The following CHN1 variants were observed in gnomAD, a reference collection of about 807,000 sequenced individuals.
CHN1 encodes chimerin 1, also known as N-chimaerin.
CHN1 carries 37 observed loss-of-function variants against 59.5 expected under a neutral mutation model. The ratio of observed to expected loss-of-function variants is 0.62; its 90% CI spans 0.48 to 0.82. The LOEUF is 0.82. Ranked by LOEUF, CHN1 falls within the 40% of genes least tolerant of loss-of-function variation. The pLI is 0.00. For synonymous variants in CHN1, 206 were observed against 200.4 expected, an observed-to-expected ratio of 1.03 and a Z score of -0.24; for missense variants, 469 against 571.0, an observed-to-expected ratio of 0.82 and a Z score of 1.82.
intron 6 of CHN1, among the ~76,000 whole-genome samples, chr2:174,849,710 A>G (rs772788803): frequency 1.7e-4 from 26 of 152,176 alleles, no homozygotes; most frequent in Non-Finnish European, 3.1e-4. Flanking sequence ...CAGACACCCA[A>G]CTAAGCACTT....
intron 1 of CHN1, among the ~76,000 whole-genome samples, chr2:174,976,324 G>A (rs568078636): frequency 4.6e-5 from 7 of 151,522 alleles, no homozygotes; most frequent in East Asian, 2.0e-4. Context: ...TGCAACCTCC[G>A]CCTCCCGGGT....
intron 3 of CHN1, among the ~76,000 whole-genome samples, chr2:174,924,572 G>T (rs1000595821): frequency 2.0e-5 from 3 of 152,286 alleles, no homozygotes; most frequent in African/African-American, 7.2e-5. Context: ...ATAGGGTAGA[G>T]AAGTTTTTCT....
At chr2:174,870,356 G>C (rs948761639) in intron 6 of CHN1, among the ~76,000 whole-genome samples, 2 of 152,146 alleles carry the variant, frequency 1.3e-5, no homozygotes, top group Non-Finnish European at 2.9e-5. Context: ...CCCCCAAAGA[G>C]TTAGGGACTA....
chr2:174,835,944 A>C (rs1305990766), intron 7 of CHN1, among the ~76,000 whole-genome samples: 1 of 152,116 alleles, frequency 6.6e-6, no homozygotes, highest in African/African-American at 2.4e-5. Context: ...GTTTCCCAAT[A>C]GTTTCTTCCC....
chr2:174,879,364 T>G (rs1240994944), intron 5 of CHN1, among the ~76,000 whole-genome samples: 1 of 152,226 alleles, frequency 6.6e-6, no homozygotes, highest in Non-Finnish European at 1.5e-5. Flanking sequence ...TAGACTTTAA[T>G]AACAATTTAA....
chr2:174,977,278 A>G, intron 1 of CHN1, among the ~76,000 whole-genome samples: 1 of 152,216 alleles, frequency 6.6e-6, no homozygotes. Context: ...GGATATCATC[A>G]TCTGATAATC....
intron 1 of CHN1, among the ~76,000 whole-genome samples, chr2:175,004,207 GAAA>G (rs555690279): frequency 2.0e-5 from 3 of 152,034 alleles, no homozygotes; most frequent in Admixed American, 1.3e-4. Context: ...TGCAGACTGA[GAAA>G]AAAACAGCTT....
In CHN1 at chr2:174,799,095, A is replaced by T. The variant is rs1018765505; in HGVS notation, c.*1021T>A. Among the ~76,000 whole-genome samples the T allele has an allele frequency of 1.3e-5, 2 of 152,226 alleles. No homozygotes were observed. The highest frequency in any genetic ancestry group is 2.9e-5 in the Non-Finnish European group (2 of 68,046). The stretch of plus-strand genomic sequence containing the variant: ...TTTTGACAAATCAAATGTTTAGAAG[A>T]AGTTACTCTTTTTAGTTAGCCTCTT... On this transcript the variant is annotated 3_prime_UTR_variant, in exon 13 of 13. Transcript: ENST00000409900.
intron 7 of CHN1, among the ~76,000 whole-genome samples, chr2:174,839,190 A>C (rs1018003397): frequency 6.6e-6 from 1 of 152,120 alleles, no homozygotes; most frequent in African/African-American, 2.4e-5. Context: ...AGAACACTTA[A>C]AATCTACTCT....
chr2:174,931,292 G>A (rs1280258165), intron 3 of CHN1, among the ~76,000 whole-genome samples: 1 of 152,164 alleles, frequency 6.6e-6, no homozygotes, highest in African/African-American at 2.4e-5. Context: ...CAAGATATAT[G>A]AGCATGTGAA....
Position 174,799,214 on chromosome 2 carries a change from T to C in CHN1, c.*902A>G, listed in dbSNP as rs777127374. 4.6e-6 allele frequency: 1 copy of C among 218,692 alleles called. No homozygotes were observed. The highest frequency in any genetic ancestry group is 2.4e-5 in the African/African-American group (1 of 42,382). The allele number at this position is 218,692 out of a possible 1,614,324, so 13.5% of individuals were successfully genotyped here. On this transcript the variant is annotated 3_prime_UTR_variant, in exon 13 of 13. Transcript: ENST00000409900. ...TTTCTAGATTTCTGCCAGAGTAATA[T>C]AAGAAGAAAAATAAATGGAATTAAT...
At chr2:174,884,929 G>A (rs948043998) in intron 5 of CHN1, among the ~76,000 whole-genome samples, 1 of 152,062 alleles carries the variant, frequency 6.6e-6, no homozygotes, top group Non-Finnish European at 1.5e-5. Flanking sequence ...AATTAGTAAA[G>A]ACTTCATAAA....
intron 1 of CHN1, among the ~76,000 whole-genome samples, chr2:174,958,515 C>T (rs181186864): frequency 1.5e-4 from 23 of 152,216 alleles, no homozygotes; most frequent in South Asian, 1.0e-3. Flanking sequence ...GAGGGCCTCC[C>T]GGAGATCATT....
intron 5 of CHN1, among the ~76,000 whole-genome samples, chr2:174,885,098 T>C (rs532677058): frequency 1.1e-4 from 16 of 150,908 alleles, no homozygotes; most frequent in South Asian, 4.2e-4. Context: ...CCATCCTGGC[T>C]AACATGGTGA....
chr2:174,927,917 T>A (rs1309703969), intron 3 of CHN1, among the ~76,000 whole-genome samples: 3 of 152,172 alleles, frequency 2.0e-5, no homozygotes, highest in Non-Finnish European at 2.9e-5. Context: ...AAATAGTACT[T>A]TTTTTTCAGG....
chr2:174,906,404 C>T (rs1688543904), intron 5 of CHN1, among the ~76,000 whole-genome samples: 1 of 151,996 alleles, frequency 6.6e-6, no homozygotes, highest in African/African-American at 2.4e-5. Context: ...TTGTTTACAT[C>T]AATAGAGACA....
At chr2:174,922,568 G>A (rs1689045200) in intron 3 of CHN1, among the ~76,000 whole-genome samples, 1 of 151,996 alleles carries the variant, frequency 6.6e-6, no homozygotes, top group Admixed American at 6.5e-5. Context: ...GCACATGCCT[G>A]TAGTCCTAGC....
intron 1 of CHN1, 81 bp downstream of exon 1, chr2:175,004,813 C>A: frequency 2.7e-5 from 24 of 888,992 alleles, no homozygotes; most frequent in Non-Finnish European, 3.4e-5. Context: ...CCTCCCCGGG[C>A]GCCCAGGCCC....
intron 3 of CHN1, among the ~76,000 whole-genome samples, chr2:174,931,147 T>C (rs761614983): frequency 9.0e-5 from 13 of 144,920 alleles, no homozygotes; most frequent in African/African-American, 1.5e-4. Flanking sequence ...AAAAAAAAAA[T>C]AGCCTTTGAG....
Sources: allele counts gnomAD v4.1 joint callset (sites outside exome capture counted in the v4.1 genomes callset), GRCh38; gene constraint gnomAD v4.1.1; transcripts MANE v1.5; gene names NCBI Gene and HGNC (gene_info 2026-07-23, HGNC 2026-07-21).